Variants in CNTN6 observed in about 807,000 individuals in gnomAD.
CNTN6 encodes the protein contactin 6.
In CNTN6, 137 loss-of-function variants were observed where a neutral mutation model predicts 122.8. That is an observed-to-expected ratio of 1.12 (90% CI 0.97 to 1.29). The LOEUF (loss-of-function observed/expected upper bound fraction) is 1.29. Among genes scored for constraint, CNTN6 ranks in the 50% most tolerant of loss-of-function variants. CNTN6 has a pLI of 0.00. For synonymous variants in CNTN6, 570 were observed against 426.0 expected, an observed-to-expected ratio of 1.34 and a Z score of -4.16; for missense variants, 1,634 against 1,223.4, an observed-to-expected ratio of 1.34 and a Z score of -5.01.
chr3:1,147,318 A>G (rs2092743903), intron 1 of CNTN6, among the ~76,000 whole-genome samples: 1 of 152,100 alleles, frequency 6.6e-6, no homozygotes, highest in African/African-American at 2.4e-5. Flanking sequence ...TTTGTAAACA[A>G]TCAACCATAG....
chr3:1,235,381 A>G (rs759696277), intron 4 of CNTN6, among the ~76,000 whole-genome samples: 3 of 151,974 alleles, frequency 2.0e-5, no homozygotes, highest in South Asian at 2.1e-4. Context: ...GATTTATAAA[A>G]TTGGTTCAAA....
At position 1,373,529 on chromosome 3, in the gene CNTN6, A is replaced by C; in HGVS notation, c.1787-75A>C. On this transcript the variant is annotated intron_variant, in intron 14 of 22. Coordinates refer to ENST00000446702, the MANE Select transcript of CNTN6 (RefSeq NM_001289080.2). ...TTTACTTCCTAAGCACAACAGGTAA[A>C]AATAAACCATCCTAGTACCAAATTA... is the stretch of plus-strand genomic sequence containing the variant. The C allele has an allele frequency of 2.1e-6, 3 of 1,443,892 alleles. No homozygotes were observed. In the South Asian group the frequency reaches 3.9e-5, roughly 19 times the overall value. The allele number at this position is 1,443,892 out of a possible 1,614,324, so 89.4% of individuals were successfully genotyped here. A position where few individuals can be genotyped will look rare whatever the true frequency, so the allele number is the denominator to read the frequency against.
At chr3:1,311,316 A>T (rs1309793175) in intron 7 of CNTN6, among the ~76,000 whole-genome samples, 1 of 141,878 alleles carries the variant, frequency 7.0e-6, no homozygotes. Flanking sequence ...TACATATAAA[A>T]TGTATATATA....
intron 8 of CNTN6, among the ~76,000 whole-genome samples, chr3:1,324,991 AGGAC>A: frequency 7.2e-6 from 1 of 139,694 alleles, no homozygotes; most frequent in African/African-American, 3.3e-5. Flanking sequence ...TGTATATCCA[AGGAC>A]AGAACTAAAT....
intron 7 of CNTN6, among the ~76,000 whole-genome samples, chr3:1,301,611 A>G (rs11128616): frequency 0.44 from 66,766 of 151,918 alleles, 18,063 homozygotes; most frequent in East Asian, 0.78. Flanking sequence ...TACACTCCCT[A>G]AATTGTTATC....
intron 4 of CNTN6, among the ~76,000 whole-genome samples, chr3:1,236,028 T>C (rs1233667940): frequency 2.0e-5 from 3 of 152,078 alleles, no homozygotes; most frequent in Non-Finnish European, 4.4e-5. Flanking sequence ...GACTGGGAAC[T>C]GTACCCCCAT....
At chr3:1,171,507 A>T (rs2125296930) in intron 2 of CNTN6, among the ~76,000 whole-genome samples, 1 of 152,324 alleles carries the variant, frequency 6.6e-6, no homozygotes, top group Middle Eastern at 3.4e-3. Context: ...GCCTGTACTT[A>T]TAAATGCCAC....
At chr3:1,264,491 G>T (rs2094896201) in intron 4 of CNTN6, among the ~76,000 whole-genome samples, 1 of 151,888 alleles carries the variant, frequency 6.6e-6, no homozygotes, top group South Asian at 2.1e-4. Flanking sequence ...ATGTCATTTG[G>T]GACTAAAAGT....
At chr3:1,211,544 A>G (rs1046416408) in intron 2 of CNTN6, among the ~76,000 whole-genome samples, 2 of 152,158 alleles carry the variant, frequency 1.3e-5, no homozygotes, top group African/African-American at 4.8e-5. Flanking sequence ...CATGTAACCT[A>G]GAGGCAGATC....
intron 11 of CNTN6, among the ~76,000 whole-genome samples, chr3:1,334,219 A>G (rs777993307): frequency 6.6e-6 from 1 of 152,102 alleles, no homozygotes; most frequent in Non-Finnish European, 1.5e-5. Flanking sequence ...TAGACCCACC[A>G]GTGGTTTAGA....
At chr3:1,125,016 A>G (rs1262217921) in intron 1 of CNTN6, among the ~76,000 whole-genome samples, 1 of 151,906 alleles carries the variant, frequency 6.6e-6, no homozygotes, top group Non-Finnish European at 1.5e-5. Context: ...TCTTGTTTTT[A>G]AGTTATAGAA....
rs75507640 is a variant in CNTN6 at position 1,324,503 on chromosome 3, T to A, written c.947-1312T>A. Among the ~76,000 whole-genome samples the A allele has an allele frequency of 2.9e-3, 431 of 149,770 alleles. 55 individuals carry two copies. Among genetic ancestry groups the A allele is most frequent in the African/African-American group, 0.011 (422 of 39,436 alleles). ...GTTTTCTTTGGCTCCTTCGTGAGCC[T>A]ACTCAGCATTTAAGCATGCCCAGTT... On this transcript the variant is annotated intron_variant, in intron 8 of 22. Coordinates refer to ENST00000446702, the MANE Select transcript of CNTN6 (RefSeq NM_001289080.2).
chr3:1,186,536 C>T (rs2093630137), intron 2 of CNTN6, among the ~76,000 whole-genome samples: 1 of 152,204 alleles, frequency 6.6e-6, no homozygotes, highest in Non-Finnish European at 1.5e-5. Context: ...CACTACTCTG[C>T]ATCCCACTTA....
At chr3:1,326,570 C>G (rs976881697) in intron 9 of CNTN6, among the ~76,000 whole-genome samples, 2 of 151,848 alleles carry the variant, frequency 1.3e-5, no homozygotes, top group East Asian at 3.9e-4. Context: ...CAGTTATCCA[C>G]ATTTCTCCAT....
At chr3:1,237,246 T>C (rs1025627795) in intron 4 of CNTN6, among the ~76,000 whole-genome samples, 2 of 151,872 alleles carry the variant, frequency 1.3e-5, no homozygotes, top group Non-Finnish European at 1.5e-5. Flanking sequence ...GTAAAATGCA[T>C]TGGAAAGTCT....
chr3:1,245,821 A>G (rs1256853554), intron 4 of CNTN6, among the ~76,000 whole-genome samples: 2 of 152,192 alleles, frequency 1.3e-5, no homozygotes, highest in Non-Finnish European at 2.9e-5. Flanking sequence ...GTTTTAAAGC[A>G]GGAGTGTCCA....
intron 11 of CNTN6, among the ~76,000 whole-genome samples, chr3:1,331,660 T>A (rs1282901123): frequency 6.6e-6 from 1 of 151,914 alleles, no homozygotes; most frequent in Non-Finnish European, 1.5e-5. Context: ...CACAGCACCT[T>A]GTACTGAGGG....
chr3:1,389,768 T>A (rs376255199), intron 20 of CNTN6, among the ~76,000 whole-genome samples: 10,198 of 141,630 alleles, frequency 0.072, 532 homozygotes, highest in Middle Eastern at 0.12. Flanking sequence ...TCCTAGTCTC[T>A]GATAAAACAG....
intron 6 of CNTN6, among the ~76,000 whole-genome samples, chr3:1,297,404 T>A (rs1575597187): frequency 6.6e-6 from 1 of 152,128 alleles, no homozygotes; most frequent in East Asian, 1.9e-4. Flanking sequence ...TTGGCACATA[T>A]CCCCAATTCC....
Sources: gnomAD v4.1 joint callset for allele counts (sites outside exome capture counted in the v4.1 genomes callset) on GRCh38, gnomAD v4.1.1 for gene constraint, MANE v1.5 for transcripts, NCBI Gene and HGNC (gene_info 2026-07-23, HGNC 2026-07-21) for gene names.